Variants in CDH12 observed in about 807,000 individuals in gnomAD.
CDH12 encodes cadherin 12.
Under a neutral mutation model 74.1 loss-of-function variants are expected in CDH12, and 41 were observed. The observed-to-expected ratio is 0.55, with a 90% confidence interval of 0.43 to 0.72. The LOEUF (loss-of-function observed/expected upper bound fraction) is 0.72, where lower values mean the gene tolerates loss of function less well. Ranked by LOEUF, CDH12 falls within the 30% of genes least tolerant of loss-of-function variation. The pLI is 0.00. For missense variants in CDH12, 945 were observed against 977.2 expected, an observed-to-expected ratio of 0.97 and a Z score of 0.44; for synonymous variants, 399 against 355.0, an observed-to-expected ratio of 1.12 and a Z score of -1.39.
chr5:22,333,839 A>T (rs1739447807), intron 3 of CDH12, among the ~76,000 whole-genome samples: 1 of 152,196 alleles, frequency 6.6e-6, no homozygotes, highest in Non-Finnish European at 1.5e-5. Context: ...TACACAAATA[A>T]ATCCATGTGG....
At chr5:22,279,552 G>C (rs1427051709) in intron 3 of CDH12, among the ~76,000 whole-genome samples, 2 of 151,948 alleles carry the variant, frequency 1.3e-5, no homozygotes, top group East Asian at 1.9e-4. Flanking sequence ...ACAGGTCCTG[G>C]TGTGTGATGT....
At chr5:22,668,262 G>T (rs35213716) in intron 1 of CDH12, among the ~76,000 whole-genome samples, 15,771 of 151,980 alleles carry the variant, frequency 0.1, 934 homozygotes, top group Admixed American at 0.17. Flanking sequence ...CCACTATTTG[G>T]GTGATGGGTA....
chr5:21,972,051 T>C (rs1479031009), intron 6 of CDH12, among the ~76,000 whole-genome samples: 2 of 152,110 alleles, frequency 1.3e-5, no homozygotes, highest in Non-Finnish European at 2.9e-5. Flanking sequence ...CTTTGTACAA[T>C]ATGTTCTTTG....
Position 22,593,880 on chromosome 5 carries a change from A to G in CDH12, c.-522-88516T>C, listed in dbSNP as rs560162364. ...ATAATGCTGCTTTTAGCTACATTCT[A>G]TCAGTATGATCACGGGATAAATATA... On this transcript the variant is annotated intron_variant, in intron 1 of 14. Coordinates refer to ENST00000382254, the MANE Select transcript of CDH12 (RefSeq NM_004061.5). Among the ~76,000 whole-genome samples the G allele has an allele frequency of 7.9e-5, 12 of 152,330 alleles. No individual in the cohort carries two copies. In the East Asian group the frequency reaches 1.9e-3, roughly 25 times the overall value.
chr5:22,535,388 C>T (rs1347517111), intron 1 of CDH12, among the ~76,000 whole-genome samples: 1 of 151,998 alleles, frequency 6.6e-6, no homozygotes, highest in East Asian at 1.9e-4. Flanking sequence ...GATCTCCTGA[C>T]CTCGTGATCC....
At chr5:22,768,463 A>G (rs534723883) in intron 1 of CDH12, among the ~76,000 whole-genome samples, 1 of 152,102 alleles carries the variant, frequency 6.6e-6, no homozygotes, top group African/African-American at 2.4e-5. Flanking sequence ...TATGATCTAG[A>G]TGGGTTTAAG....
At chr5:22,205,664 G>T (rs996996137) in intron 4 of CDH12, among the ~76,000 whole-genome samples, 5 of 152,070 alleles carry the variant, frequency 3.3e-5, no homozygotes, top group Non-Finnish European at 7.4e-5. Flanking sequence ...AGAGAAGAAA[G>T]TTGAACTGAC....
chr5:22,117,976 T>C (rs923877226), intron 4 of CDH12, among the ~76,000 whole-genome samples: 2 of 152,124 alleles, frequency 1.3e-5, no homozygotes, highest in South Asian at 2.1e-4. Flanking sequence ...GAAATCTAAA[T>C]AATTTGTGCA....
chr5:22,684,312 C>T (rs1329468460), intron 1 of CDH12, among the ~76,000 whole-genome samples: 1 of 152,142 alleles, frequency 6.6e-6, no homozygotes, highest in African/African-American at 2.4e-5. Context: ...ACAAACAATT[C>T]AATTACATTC....
At chr5:22,806,416 A>G (rs1420115384) in intron 1 of CDH12, among the ~76,000 whole-genome samples, 4 of 146,134 alleles carry the variant, frequency 2.7e-5, no homozygotes, top group East Asian at 2.0e-4. Flanking sequence ...GCAGTGGCGC[A>G]ATCTCGGCTC....
At chr5:22,279,359 AG>A (rs1406228159) in intron 3 of CDH12, among the ~76,000 whole-genome samples, 2 of 152,184 alleles carry the variant, frequency 1.3e-5, no homozygotes, top group Non-Finnish European at 1.5e-5. Flanking sequence ...AAATGTAGTT[AG>A]AAAATTACTG....
intron 2 of CDH12, among the ~76,000 whole-genome samples, chr5:22,411,333 C>T (rs1364723275): frequency 6.6e-6 from 1 of 151,750 alleles, no homozygotes; most frequent in Non-Finnish European, 1.5e-5. Context: ...TAGGAATCAT[C>T]ATTTTAATTT....
chr5:22,548,754 A>T (rs1322262107), intron 1 of CDH12, among the ~76,000 whole-genome samples: 2 of 151,748 alleles, frequency 1.3e-5, no homozygotes, highest in Non-Finnish European at 1.5e-5. Context: ...CAACTTTCAA[A>T]ATTTATCTTA....
At chr5:22,073,863 A>G (rs534465509) in intron 5 of CDH12, among the ~76,000 whole-genome samples, 2 of 152,166 alleles carry the variant, frequency 1.3e-5, no homozygotes, top group Non-Finnish European at 2.9e-5. Flanking sequence ...GAATGTAAGA[A>G]AACCAATTGG....
chr5:22,204,170 T>TG (rs1031008803), intron 4 of CDH12, among the ~76,000 whole-genome samples: 1 of 148,194 alleles, frequency 6.7e-6, no homozygotes, highest in African/African-American at 2.5e-5. Flanking sequence ...TTGTTTTTTT[T>TG]TTTTTGTTTT....
chr5:22,720,277 G>T (rs1450011289), intron 1 of CDH12, among the ~76,000 whole-genome samples: 64 of 152,054 alleles, frequency 4.2e-4, no homozygotes, highest in Non-Finnish European at 1.5e-4. Flanking sequence ...ATATCCGATG[G>T]TTTTTTAAGG....
chr5:22,648,045 G>T (rs1739532769), intron 1 of CDH12, among the ~76,000 whole-genome samples: 1 of 151,770 alleles, frequency 6.6e-6, no homozygotes, highest in Admixed American at 6.6e-5. Context: ...TTTGTGAATT[G>T]CCAGTAATTC....
intron 1 of CDH12, among the ~76,000 whole-genome samples, chr5:22,769,962 A>G (rs928144821): frequency 1.2e-4 from 19 of 152,074 alleles, no homozygotes; most frequent in African/African-American, 3.4e-4. Flanking sequence ...ACGCACGGAC[A>G]CACATATGTA....
chr5:22,488,872 A>C (rs1250335880), intron 2 of CDH12, among the ~76,000 whole-genome samples: 1 of 151,788 alleles, frequency 6.6e-6, no homozygotes, highest in Non-Finnish European at 1.5e-5. Flanking sequence ...ATGTTGTCCC[A>C]TGTGGCATGG....
Sources: gnomAD v4.1 joint callset for allele counts (sites outside exome capture counted in the v4.1 genomes callset) on GRCh38, gnomAD v4.1.1 for gene constraint, MANE v1.5 for transcripts, NCBI Gene and HGNC (gene_info 2026-07-23, HGNC 2026-07-21) for gene names.